The following ZMAT4 variants were observed in gnomAD, a reference collection of about 807,000 sequenced individuals.
ZMAT4 encodes zinc finger matrin-type 4.
Under a neutral mutation model 28.7 loss-of-function variants are expected in ZMAT4, and 17 were observed. The observed-to-expected ratio is 0.59, with a 90% CI of 0.41 to 0.89. ZMAT4 has a LOEUF of 0.89. ZMAT4 is among the 40% of genes least tolerant of loss of function. The pLI, the probability that ZMAT4 is intolerant of heterozygous loss-of-function variation, is 0.00. For missense variants in ZMAT4, 240 were observed against 283.8 expected (o/e 0.85, Z 1.11); for synonymous variants, 117 against 109.2 (o/e 1.07, Z -0.44).
Position 40,611,357 on chromosome 8 carries a change from C to CT in ZMAT4, c.578-30097dup, listed in dbSNP as rs869135091. ...GAATATATCTGATATCAGAAACTCA[C>CT]TTTTTTTTTTTTTAAGATGGAGTCT... On this transcript the variant is annotated intron_variant, in intron 5 of 6. Coordinates refer to ENST00000297737, the MANE Select transcript of ZMAT4 (RefSeq NM_024645.3). Among the ~76,000 whole-genome samples, 1,074 of 146,172 alleles carry CT rather than the reference C, an allele frequency of 7.3e-3. 10 individuals carry two copies. Among genetic ancestry groups the CT allele is most frequent in the African/African-American group, 0.02 (799 of 40,120 alleles).
chr8:40,637,374 T>C (rs536953712), intron 5 of ZMAT4, among the ~76,000 whole-genome samples: 1 of 152,332 alleles, frequency 6.6e-6, no homozygotes, highest in South Asian at 2.1e-4. Flanking sequence ...TGACTCAAAC[T>C]TGAAGAGGCT....
intron 2 of ZMAT4, among the ~76,000 whole-genome samples, chr8:40,824,667 G>T (rs1468377501): frequency 1.4e-5 from 2 of 138,362 alleles, no homozygotes; most frequent in African/African-American, 2.7e-5. Flanking sequence ...GGGAAGGAAA[G>T]GAAAGAAAGA....
intron 5 of ZMAT4, among the ~76,000 whole-genome samples, chr8:40,661,813 C>T (rs771014294): frequency 2.0e-5 from 3 of 152,144 alleles, no homozygotes; most frequent in Non-Finnish European, 1.5e-5. Flanking sequence ...ATACTACACC[C>T]GTTCTTGAGC....
At chr8:40,758,525 A>C (rs1408140287) in intron 3 of ZMAT4, among the ~76,000 whole-genome samples, 1 of 152,214 alleles carries the variant, frequency 6.6e-6, no homozygotes, top group Non-Finnish European at 1.5e-5. Context: ...AGGACCCTTA[A>C]CCATTCCTTC....
At position 40,626,375 on chromosome 8, in the gene ZMAT4, A is replaced by G. The variant is rs56938751; in HGVS notation, c.578-45114T>C. Among the ~76,000 whole-genome samples, 37 of 152,314 alleles carry G rather than the reference A, an allele frequency of 2.4e-4. 1 individual carries two copies. Among genetic ancestry groups the G allele is most frequent in the African/African-American group, 8.2e-4 (34 of 41,586 alleles). ...AGTAAGATGAGGGTTCTGACAACAT[A>G]GGAATTCATGGTTCCACTCTCTAGA... is the stretch of plus-strand genomic sequence containing the variant. On this transcript the variant is annotated intron_variant, in intron 5 of 6. Coordinates refer to ENST00000297737, the MANE Select transcript of ZMAT4 (RefSeq NM_024645.3).
chr8:40,789,343 T>C (rs1267182453), intron 2 of ZMAT4, among the ~76,000 whole-genome samples: 3 of 152,200 alleles, frequency 2.0e-5, no homozygotes, highest in African/African-American at 2.4e-5. Context: ...ACGTGTCTAC[T>C]GTCACCCTTT....
At chr8:40,759,234 G>T (rs1812824850) in intron 3 of ZMAT4, among the ~76,000 whole-genome samples, 1 of 148,402 alleles carries the variant, frequency 6.7e-6, no homozygotes, top group Non-Finnish European at 1.5e-5. Context: ...GTGAGCCGAG[G>T]CTGGGCCACT....
intron 5 of ZMAT4, among the ~76,000 whole-genome samples, chr8:40,589,748 CTTTCTTTCTTTCTT>C (rs1299055390): frequency 2.0e-5 from 3 of 146,582 alleles, no homozygotes; most frequent in African/African-American, 7.5e-5. Context: ...TTCTTTCTTT[CTTTCTTTCTTTCTT>C]TTTCTTTCTT....
chr8:40,764,657 T>A (rs572054720), intron 3 of ZMAT4, among the ~76,000 whole-genome samples: 2 of 152,050 alleles, frequency 1.3e-5, no homozygotes, highest in Non-Finnish European at 2.9e-5. Context: ...AGAATCTGAG[T>A]AGGAAGTGAG....
At chr8:40,594,439 T>C (rs1419769135) in intron 5 of ZMAT4, among the ~76,000 whole-genome samples, 2 of 152,188 alleles carry the variant, frequency 1.3e-5, no homozygotes, top group African/African-American at 4.8e-5. Context: ...AGGAATAACA[T>C]ACCTACAGAT....
At chr8:40,827,097 A>G (rs769889489) in intron 1 of ZMAT4, among the ~76,000 whole-genome samples, 5 of 152,206 alleles carry the variant, frequency 3.3e-5, no homozygotes, top group African/African-American at 4.8e-5. Context: ...AGTCATTTGC[A>G]TAGCCAAAAA....
chr8:40,707,041 T>TCC (rs1810387580), intron 3 of ZMAT4, among the ~76,000 whole-genome samples: 1 of 152,190 alleles, frequency 6.6e-6, no homozygotes, highest in Non-Finnish European at 1.5e-5. Context: ...TCCAGCTACG[T>TCC]TAAGGATATG....
intron 4 of ZMAT4, among the ~76,000 whole-genome samples, chr8:40,682,534 C>T (rs146364599): frequency 1.0e-3 from 157 of 152,230 alleles, no homozygotes; most frequent in African/African-American, 3.6e-3. Context: ...GCTACCCAGC[C>T]CCATGAGATA....
intron 5 of ZMAT4, among the ~76,000 whole-genome samples, chr8:40,655,958 A>G (rs1366519588): frequency 1.3e-5 from 2 of 152,106 alleles, no homozygotes; most frequent in African/African-American, 4.8e-5. Context: ...TAGAAATGGA[A>G]CTTAATTAAA....
In ZMAT4 at chr8:40,719,166, G is replaced by A. The variant is rs151250228; in HGVS notation, c.193-21765C>T. Among the ~76,000 whole-genome samples the A allele has an allele frequency of 6.1e-3, 923 of 152,252 alleles. 3 individuals carry two copies. The highest frequency in any genetic ancestry group is 0.02 in the African/African-American group (822 of 41,556). On this transcript the variant is annotated intron_variant, in intron 3 of 6. Coordinates refer to ENST00000297737, the MANE Select transcript of ZMAT4 (RefSeq NM_024645.3). ...TGAGTTGTTAAGACTTTGAGGCCAG[G>A]TGTGATGACTCATACCTGTAACCCC...
At chr8:40,549,920 T>C (rs1803316575) in intron 6 of ZMAT4, among the ~76,000 whole-genome samples, 1 of 152,158 alleles carries the variant, frequency 6.6e-6, no homozygotes, top group Non-Finnish European at 1.5e-5. Flanking sequence ...TGTCTTCTTG[T>C]TTCTCCAACC....
intron 1 of ZMAT4, among the ~76,000 whole-genome samples, chr8:40,857,208 A>T (rs1205257299): frequency 1.3e-5 from 2 of 152,094 alleles, no homozygotes; most frequent in East Asian, 3.9e-4. Context: ...GTAGGCCAAA[A>T]AAAGGAAAGA....
intron 6 of ZMAT4, among the ~76,000 whole-genome samples, chr8:40,539,669 C>G (rs1802964235): frequency 6.6e-6 from 1 of 152,170 alleles, no homozygotes; most frequent in Admixed American, 6.5e-5. Flanking sequence ...TGAATGTGAC[C>G]AGTAACCACT....
intron 5 of ZMAT4, among the ~76,000 whole-genome samples, chr8:40,660,465 A>G: frequency 6.6e-6 from 1 of 152,102 alleles, no homozygotes; most frequent in East Asian, 1.9e-4. Flanking sequence ...CTTTTTCATT[A>G]TTGTATCTTC....
Sources: allele counts gnomAD v4.1 joint callset (sites outside exome capture counted in the v4.1 genomes callset), GRCh38; gene constraint gnomAD v4.1.1; transcripts MANE v1.5; gene names NCBI Gene and HGNC (gene_info 2026-07-23, HGNC 2026-07-21).